Variants in SPAG16 observed in about 807,000 individuals in gnomAD.
SPAG16 encodes the protein sperm-associated antigen 16 protein.
SPAG16 carries 86 observed loss-of-function variants against 80.4 expected under a neutral mutation model. That is an observed-to-expected ratio of 1.07 (90% CI 0.90 to 1.28). The LOEUF (loss-of-function observed/expected upper bound fraction) is 1.28. Among genes scored for constraint, SPAG16 ranks in the 50% most tolerant of loss-of-function variants. The probability of loss-of-function intolerance (pLI) is 0.00; values close to 1 mark genes in which losing one functional copy is unlikely to be tolerated. For synonymous variants in SPAG16, 294 were observed against 265.9 expected (o/e 1.11, Z -1.03); for missense variants, 870 against 765.3 (o/e 1.14, Z -1.61).
chr2:213,891,811 A>G (rs2076794299), intron 11 of SPAG16, among the ~76,000 whole-genome samples: 1 of 152,124 alleles, frequency 6.6e-6, no homozygotes, highest in Admixed American at 6.6e-5. Flanking sequence ...CTGTCCCCTC[A>G]TTCTGCCTGC....
intron 10 of SPAG16, among the ~76,000 whole-genome samples, chr2:213,515,192 C>A (rs1321159883): frequency 6.6e-6 from 1 of 152,072 alleles, no homozygotes; most frequent in African/African-American, 2.4e-5. Context: ...CCCATTCTAT[C>A]TGAATCAATT....
At chr2:213,790,060 A>G (rs1374454041) in intron 10 of SPAG16, among the ~76,000 whole-genome samples, 5 of 151,830 alleles carry the variant, frequency 3.3e-5, no homozygotes, top group Admixed American at 1.3e-4. Context: ...GATTATTGCT[A>G]TTTTAGTTAC....
At chr2:213,798,037 A>G (rs551841742) in intron 10 of SPAG16, among the ~76,000 whole-genome samples, 268 of 152,310 alleles carry the variant, frequency 1.8e-3, no homozygotes, top group African/African-American at 5.8e-3. Flanking sequence ...CATTGTGGCC[A>G]TTACTTGCAT....
intron 5 of SPAG16, among the ~76,000 whole-genome samples, chr2:213,323,281 A>T (rs2063700587): frequency 6.6e-6 from 1 of 152,146 alleles, no homozygotes. Flanking sequence ...TCTTCTAAAA[A>T]ATACAAAAAA....
chr2:213,707,625 A>G (rs1429794799), intron 10 of SPAG16, among the ~76,000 whole-genome samples: 1 of 152,144 alleles, frequency 6.6e-6, no homozygotes, highest in Non-Finnish European at 1.5e-5. Flanking sequence ...TATATATGTC[A>G]TTCTGCCTCA....
intron 3 of SPAG16, chr2:213,302,447 T>G (rs1037028765): frequency 1.3e-5 from 2 of 152,162 alleles, no homozygotes; most frequent in African/African-American, 4.8e-5. Context: ...TATAATGTTT[T>G]GTTTTTGCTA....
At chr2:213,292,069 G>A (rs576218314) in intron 1 of SPAG16, among the ~76,000 whole-genome samples, 1 of 152,202 alleles carries the variant, frequency 6.6e-6, no homozygotes, top group East Asian at 1.9e-4. Context: ...TCTATGCTTC[G>A]AGGACAAATC....
At chr2:214,004,522 C>T (rs1320540262) in intron 12 of SPAG16, among the ~76,000 whole-genome samples, 1 of 152,098 alleles carries the variant, frequency 6.6e-6, no homozygotes, top group Non-Finnish European at 1.5e-5. Context: ...GAAGGATCCA[C>T]AATTGTAAGA....
intron 10 of SPAG16, among the ~76,000 whole-genome samples, chr2:213,591,054 A>G (rs1287134950): frequency 6.6e-6 from 1 of 152,196 alleles, no homozygotes; most frequent in Non-Finnish European, 1.5e-5. Flanking sequence ...CAGAAAACCA[A>G]ATACCACACA....
At chr2:213,503,933 A>G (rs774336561) in intron 10 of SPAG16, among the ~76,000 whole-genome samples, 34 of 152,332 alleles carry the variant, frequency 2.2e-4, no homozygotes, top group South Asian at 1.0e-3. Flanking sequence ...CTAGTACTCT[A>G]AAATACCATC....
At chr2:214,360,458 G>T (rs1699111998) in intron 15 of SPAG16, among the ~76,000 whole-genome samples, 1 of 151,662 alleles carries the variant, frequency 6.6e-6, no homozygotes, top group Non-Finnish European at 1.5e-5. Flanking sequence ...AATAAATTTT[G>T]AAAGCTCTAA....
chr2:213,867,842 T>A (rs1207863407), intron 11 of SPAG16, among the ~76,000 whole-genome samples: 5 of 141,666 alleles, frequency 3.5e-5, no homozygotes, highest in African/African-American at 2.6e-5. Flanking sequence ...GAGAATGGCA[T>A]GAACCTGGGA....
intron 13 of SPAG16, among the ~76,000 whole-genome samples, chr2:214,052,531 A>C (rs1264155133): frequency 6.6e-6 from 1 of 152,230 alleles, no homozygotes; most frequent in Non-Finnish European, 1.5e-5. Context: ...GCAGTGTTGC[A>C]GCTAAATTAT....
At chr2:213,462,464 G>A (rs553913613) in intron 9 of SPAG16, among the ~76,000 whole-genome samples, 1 of 150,980 alleles carries the variant, frequency 6.6e-6, no homozygotes, top group Admixed American at 6.5e-5. Context: ...TTAGTTGGGG[G>A]TTTGATATGA....
intron 9 of SPAG16, among the ~76,000 whole-genome samples, chr2:213,441,945 A>G (rs1219458924): frequency 6.6e-6 from 1 of 152,156 alleles, no homozygotes; most frequent in East Asian, 1.9e-4. Flanking sequence ...TCAAGAGCTC[A>G]AGACCAGCCT....
At chr2:213,327,193 A>G (rs981885851) in intron 5 of SPAG16, among the ~76,000 whole-genome samples, 9 of 151,504 alleles carry the variant, frequency 5.9e-5, no homozygotes, top group Non-Finnish European at 1.2e-4. Context: ...AAGATGCTCT[A>G]CTAATGTGAT....
intron 15 of SPAG16, among the ~76,000 whole-genome samples, chr2:214,286,555 T>C (rs1693383767): frequency 6.6e-6 from 1 of 152,160 alleles, no homozygotes; most frequent in South Asian, 2.1e-4. Context: ...GAGACCAGCC[T>C]GGCCAACCTG....
At chr2:213,970,313 A>G (rs903493254) in intron 12 of SPAG16, among the ~76,000 whole-genome samples, 1 of 151,858 alleles carries the variant, frequency 6.6e-6, no homozygotes, top group African/African-American at 2.4e-5. Flanking sequence ...TTTATTTTTA[A>G]AAACATTTTT....
intron 12 of SPAG16, among the ~76,000 whole-genome samples, chr2:213,973,176 T>C (rs1038624997): frequency 6.6e-6 from 1 of 152,198 alleles, no homozygotes; most frequent in Admixed American, 6.5e-5. Flanking sequence ...CATCCTATCC[T>C]AGTCATGTTC....
Sources: allele counts gnomAD v4.1 joint callset (sites outside exome capture counted in the v4.1 genomes callset), GRCh38; gene constraint gnomAD v4.1.1; transcripts MANE v1.5; gene names NCBI Gene and HGNC (gene_info 2026-07-23, HGNC 2026-07-21).